Variants in FBXL7 observed in about 807,000 individuals in gnomAD.
FBXL7 encodes F-box/LRR-repeat protein 7.
FBXL7 carries 12 observed loss-of-function variants against 38.3 expected under a neutral mutation model. The ratio of observed to expected loss-of-function variants is 0.31; its 90% CI spans 0.20 to 0.51. FBXL7 has a LOEUF of 0.51. Among genes scored for constraint, FBXL7 ranks in the 20% least tolerant of loss-of-function variants. The pLI, the probability that FBXL7 is intolerant of heterozygous loss-of-function variation, is 0.98. For missense variants in FBXL7, 567 were observed against 676.4 expected, an observed-to-expected ratio of 0.84 and a Z score of 1.79; for synonymous variants, 297 against 300.9, an observed-to-expected ratio of 0.99 and a Z score of 0.13.
At chr5:15,735,745 G>A (rs553751708) in intron 2 of FBXL7, among the ~76,000 whole-genome samples, 1 of 152,336 alleles carries the variant, frequency 6.6e-6, no homozygotes, top group South Asian at 2.1e-4. Context: ...AGGGAAGTGA[G>A]ATTTATTTTG....
intron 2 of FBXL7, among the ~76,000 whole-genome samples, chr5:15,622,594 G>C (rs1051281019): frequency 1.3e-5 from 2 of 152,146 alleles, no homozygotes; most frequent in African/African-American, 4.8e-5. Flanking sequence ...CTTCATCCAT[G>C]TCCCTACAAA....
chr5:15,672,158 A>G lies in FBXL7; in HGVS notation c.127+56086A>G, dbSNP rs186368739. 5.4e-3 allele frequency among the ~76,000 whole-genome samples: 822 copies of G among 152,304 alleles called. 9 individuals are homozygous for G. The highest frequency in any genetic ancestry group is 8.8e-3 in the Non-Finnish European group (599 of 68,006). On this transcript the variant is annotated intron_variant, in intron 2 of 3. Transcript: ENST00000504595. ...CTGCCTTTTAGGGAAAGAAAAAGCCATGGCACTTACTCTCTGTGTCTTTGT... is the reference window on the plus strand; with the variant it reads ...CTGCCTTTTAGGGAAAGAAAAAGCCGTGGCACTTACTCTCTGTGTCTTTGT...
intron 2 of FBXL7, among the ~76,000 whole-genome samples, chr5:15,853,216 G>T (rs1476817205): frequency 6.6e-6 from 1 of 152,158 alleles, no homozygotes; most frequent in Non-Finnish European, 1.5e-5. Context: ...GAACATGCAA[G>T]CACTGAGTGC....
At chr5:15,659,484 A>G (rs1312208666) in intron 2 of FBXL7, among the ~76,000 whole-genome samples, 1 of 152,216 alleles carries the variant, frequency 6.6e-6, no homozygotes, top group East Asian at 1.9e-4. Flanking sequence ...ATACTCTACA[A>G]TTAAAACGTG....
chr5:15,638,710 G>A lies in FBXL7; in HGVS notation c.127+22638G>A, dbSNP rs536636499. Reference sequence around the variant, plus strand: ...GTCACAAAATCCTAGTGCAAGCTTAGTAAGCAGTTTGTACACCTGGTCCTT... The same window carrying A: ...GTCACAAAATCCTAGTGCAAGCTTAATAAGCAGTTTGTACACCTGGTCCTT... On this transcript the variant is annotated intron_variant, in intron 2 of 3. Coordinates refer to ENST00000504595, the MANE Select transcript of FBXL7 (RefSeq NM_012304.5). 2.0e-5 allele frequency among the ~76,000 whole-genome samples: 3 copies of A among 152,260 alleles called. No individual in the cohort carries two copies. The East Asian group carries it at 5.8e-4, about 29-fold the overall frequency.
chr5:15,763,596 A>G (rs956774061), intron 2 of FBXL7, among the ~76,000 whole-genome samples: 8 of 152,212 alleles, frequency 5.3e-5, no homozygotes, highest in South Asian at 4.1e-4. Context: ...ATAATATTAC[A>G]TAGGTTACAT....
intron 2 of FBXL7, among the ~76,000 whole-genome samples, chr5:15,737,684 C>T (rs1735791224): frequency 6.6e-6 from 1 of 152,188 alleles, no homozygotes; most frequent in Non-Finnish European, 1.5e-5. Context: ...GATGTGGCCA[C>T]ACTGTTCAGT....
At chr5:15,863,106 T>C (rs1450625546) in intron 2 of FBXL7, among the ~76,000 whole-genome samples, 1 of 152,202 alleles carries the variant, frequency 6.6e-6, no homozygotes, top group African/African-American at 2.4e-5. Flanking sequence ...CAGTGACCTC[T>C]TGTACTAAAA....
chr5:15,873,893 G>A lies in FBXL7; in HGVS notation c.128-53997G>A, dbSNP rs140488210. Among the ~76,000 whole-genome samples, 732 of 152,184 alleles carry A rather than the reference G, an allele frequency of 4.8e-3. 5 individuals carry two copies. The highest frequency in any genetic ancestry group is 0.016 in the African/African-American group (671 of 41,524). On this transcript the variant is annotated intron_variant, in intron 2 of 3. Coordinates refer to ENST00000504595, the MANE Select transcript of FBXL7 (RefSeq NM_012304.5). ...ACTATTCCAAACGATAGAAAAAGAG[G>A]GAATCCTCCCTAACTCATTTTTTAT... is the stretch of plus-strand genomic sequence containing the variant.
At chr5:15,628,860 T>C (rs1740905193) in intron 2 of FBXL7, among the ~76,000 whole-genome samples, 1 of 152,198 alleles carries the variant, frequency 6.6e-6, no homozygotes, top group South Asian at 2.1e-4. Context: ...TCCAACATTA[T>C]ATTTCCTGCT....
At chr5:15,809,750 T>C (rs1456469536) in intron 2 of FBXL7, among the ~76,000 whole-genome samples, 3 of 152,280 alleles carry the variant, frequency 2.0e-5, no homozygotes, top group South Asian at 4.1e-4. Flanking sequence ...AACAGAACTC[T>C]GAGGCACTAA....
At chr5:15,851,756 G>A (rs935952869) in intron 2 of FBXL7, among the ~76,000 whole-genome samples, 5 of 151,844 alleles carry the variant, frequency 3.3e-5, no homozygotes, top group African/African-American at 1.2e-4. Context: ...ATAAGCCTGT[G>A]TATTGCTATT....
chr5:15,792,434 C>G (rs1737300004), intron 2 of FBXL7, among the ~76,000 whole-genome samples: 1 of 152,170 alleles, frequency 6.6e-6, no homozygotes, highest in Non-Finnish European at 1.5e-5. Flanking sequence ...ATCCATAATG[C>G]ATCCTGGAAA....
chr5:15,864,114 C>G (rs1205581452), intron 2 of FBXL7, among the ~76,000 whole-genome samples: 3 of 152,022 alleles, frequency 2.0e-5, no homozygotes, highest in African/African-American at 7.2e-5. Context: ...TCCTTTATAG[C>G]AACCCAAATG....
chr5:15,580,056 A>G (rs1204856200), intron 1 of FBXL7, among the ~76,000 whole-genome samples: 1 of 152,158 alleles, frequency 6.6e-6, no homozygotes. Flanking sequence ...CTAACCCCCA[A>G]GAGGATAATA....
intron 2 of FBXL7, among the ~76,000 whole-genome samples, chr5:15,718,432 A>C (rs539643364): frequency 6.6e-6 from 1 of 152,354 alleles, no homozygotes; most frequent in South Asian, 2.1e-4. Context: ...CTAATCTTTT[A>C]TAAGATTTGG....
chr5:15,721,043 T>C (rs1744181729), intron 2 of FBXL7, among the ~76,000 whole-genome samples: 1 of 152,282 alleles, frequency 6.6e-6, no homozygotes, highest in South Asian at 2.1e-4. Context: ...TTTAAAAAGA[T>C]CACATCTTAA....
chr5:15,578,081 G>A (rs1362915350), intron 1 of FBXL7, among the ~76,000 whole-genome samples: 1 of 152,124 alleles, frequency 6.6e-6, no homozygotes, highest in African/African-American at 2.4e-5. Flanking sequence ...TTGGCTGATA[G>A]GAAGGCTGCA....
chr5:15,858,385 C>A (rs1259693563), intron 2 of FBXL7, among the ~76,000 whole-genome samples: 2 of 151,904 alleles, frequency 1.3e-5, no homozygotes, highest in Non-Finnish European at 2.9e-5. Flanking sequence ...ATATTTTATT[C>A]AGGAAAGAGG....
Sources: gnomAD v4.1 joint callset for allele counts (sites outside exome capture counted in the v4.1 genomes callset) on GRCh38, gnomAD v4.1.1 for gene constraint, MANE v1.5 for transcripts, NCBI Gene and HGNC (gene_info 2026-07-23, HGNC 2026-07-21) for gene names.